The following NAV1 variants were observed in gnomAD, a reference collection of about 807,000 sequenced individuals.
NAV1 encodes neuron navigator 1.
A neutral mutation model predicts 175.2 loss-of-function variants in NAV1; 18 were observed. That is an observed-to-expected ratio of 0.10 (90% CI 0.07 to 0.15). NAV1 has a LOEUF of 0.15. Among genes scored for constraint, NAV1 ranks in the 10% least tolerant of loss-of-function variants. The pLI, the probability that NAV1 is intolerant of heterozygous loss-of-function variation, is 1.00. For synonymous variants in NAV1, 897 were observed against 978.7 expected, an observed-to-expected ratio of 0.92 and a Z score of 1.56; for missense variants, 1,731 against 2,436.6, an observed-to-expected ratio of 0.71 and a Z score of 6.10.
intron 1 of NAV1, among the ~76,000 whole-genome samples, chr1:201,578,116 T>C (rs529391335): frequency 1.3e-5 from 2 of 152,320 alleles, no homozygotes; most frequent in Admixed American, 1.3e-4. Context: ...AGAACTTCAA[T>C]AACACGAAAG....
At chr1:201,576,961 C>T (rs1666709027) in intron 1 of NAV1, among the ~76,000 whole-genome samples, 1 of 152,040 alleles carries the variant, frequency 6.6e-6, no homozygotes, top group Non-Finnish European at 1.5e-5. Context: ...TTGCCTATTT[C>T]CTAATTGAAT....
At chr1:201,645,963 T>TA (rs1668965724), upstream of NAV1, among the ~76,000 whole-genome samples, 2 of 152,188 alleles carry the variant, frequency 1.3e-5, no homozygotes, top group Non-Finnish European at 2.9e-5. Context: ...TGATGGCTTG[T>TA]GACTTCATTA....
intron 1 of NAV1, chr1:201,673,267 C>T (rs778006866): frequency 1.3e-5 from 2 of 152,200 alleles, no homozygotes; most frequent in Admixed American, 6.5e-5. Flanking sequence ...AGATGGGCCG[C>T]GGCATCTACG....
chr1:201,665,966 C>G (rs767400283), intron 1 of NAV1, among the ~76,000 whole-genome samples: 9 of 152,136 alleles, frequency 5.9e-5, no homozygotes, highest in Non-Finnish European at 8.8e-5. Context: ...TGACTGGTAC[C>G]CATTTTGATT....
chr1:201,677,052 G>C (rs1161315234), intron 1 of NAV1, among the ~76,000 whole-genome samples: 2 of 152,030 alleles, frequency 1.3e-5, no homozygotes, highest in African/African-American at 4.8e-5. Flanking sequence ...AGGAGTTTGA[G>C]ACCAGCCTGG....
At chr1:201,568,559 C>T (rs906066733) in intron 1 of NAV1, among the ~76,000 whole-genome samples, 3 of 152,138 alleles carry the variant, frequency 2.0e-5, no homozygotes, top group African/African-American at 4.8e-5. Flanking sequence ...TGCCTAGTGC[C>T]CCCAGGCAGA....
At chr1:201,769,763 GA>G (rs1158029882) in intron 3 of NAV1, among the ~76,000 whole-genome samples, 2 of 151,598 alleles carry the variant, frequency 1.3e-5, no homozygotes, top group African/African-American at 2.4e-5. Flanking sequence ...AGAAGAAAAA[GA>G]AAAAAAAGAA....
intron 1 of NAV1, among the ~76,000 whole-genome samples, chr1:201,677,455 A>G (rs868186906): frequency 3.3e-5 from 5 of 151,782 alleles, no homozygotes; most frequent in African/African-American, 7.3e-5. Flanking sequence ...CCTCTGCCCA[A>G]TGTCCCTTCC....
At chr1:201,561,254 C>T (rs920681395) in intron 1 of NAV1, among the ~76,000 whole-genome samples, 7 of 152,126 alleles carry the variant, frequency 4.6e-5, no homozygotes, top group African/African-American at 1.7e-4. Context: ...TGAAGTAGTC[C>T]TAAGTGTAGT....
intron 1 of NAV1, among the ~76,000 whole-genome samples, chr1:201,680,258 C>G (rs903539382): frequency 6.6e-6 from 1 of 152,104 alleles, no homozygotes; most frequent in African/African-American, 2.4e-5. Context: ...GCCTGTAATC[C>G]CAGCACTTTG....
At chr1:201,621,833 G>A (rs941952256), upstream of NAV1, among the ~76,000 whole-genome samples, 11 of 152,044 alleles carry the variant, frequency 7.2e-5, no homozygotes, top group African/African-American at 2.4e-4. Flanking sequence ...CATTTTTTAT[G>A]GCTTCATTTT....
chr1:201,612,684 C>G (rs1253975780), intron 2 of NAV1, among the ~76,000 whole-genome samples: 1 of 152,150 alleles, frequency 6.6e-6, no homozygotes, highest in South Asian at 2.1e-4. Context: ...CCCTCATGAC[C>G]TAATCTCCTC....
At chr1:201,647,668 T>C (rs1669018240), upstream of NAV1, among the ~76,000 whole-genome samples, 1 of 151,742 alleles carries the variant, frequency 6.6e-6, no homozygotes, top group African/African-American at 2.4e-5. Flanking sequence ...CCTCCTGGGC[T>C]CAGGAGGGCA....
Position 201,787,613 on chromosome 1 carries a change from A to G in NAV1, c.2996-855A>G. ...AAGCAATAATTACCTCAGGAATTTG[A>G]AAAGGTCAACAGAGAGGTGTGCCAT... On this transcript the variant is annotated intron_variant, in intron 9 of 29. Coordinates refer to ENST00000367296, the Ensembl canonical transcript of NAV1. This position sits in a 1 kb window ranked among gnomAD's most constrained non-coding sequence, Gnocchi z 4.3. 2.2e-6 allele frequency: 1 copy of G among 453,798 alleles called. No homozygotes were observed. Among genetic ancestry groups the G allele is most frequent in the Non-Finnish European group, 4.4e-6 (1 of 225,742 alleles). The allele number at this position is 453,798 out of a possible 1,614,324, so 28.1% of individuals were successfully genotyped here. A position where few individuals can be genotyped will look rare whatever the true frequency, so the allele number is the denominator to read the frequency against.
chr1:201,595,969 G>A (rs2102222287), intron 2 of NAV1, among the ~76,000 whole-genome samples: 1 of 152,368 alleles, frequency 6.6e-6, no homozygotes, highest in South Asian at 2.1e-4. Flanking sequence ...TACCAGAGAT[G>A]CTGTGGAGTC....
intron 17 of NAV1, among the ~76,000 whole-genome samples, chr1:201,805,505 A>C (rs1401624323): frequency 6.6e-6 from 1 of 152,232 alleles, no homozygotes. Flanking sequence ...TAGCTAGAGC[A>C]CTGACTGAGT....
At chr1:201,614,781 T>A (rs1667955774) in intron 2 of NAV1, among the ~76,000 whole-genome samples, 1 of 152,152 alleles carries the variant, frequency 6.6e-6, no homozygotes, top group South Asian at 2.1e-4. Context: ...ACTGTTTGGA[T>A]CTAATCTTGA....
At chr1:201,593,365 G>A (rs896715950) in intron 2 of NAV1, among the ~76,000 whole-genome samples, 3 of 152,168 alleles carry the variant, frequency 2.0e-5, no homozygotes, top group Admixed American at 6.5e-5. Flanking sequence ...AAAGGCTAAC[G>A]CATGCCCATA....
At chr1:201,604,772 G>GAAAGA (rs1294175176) in intron 2 of NAV1, among the ~76,000 whole-genome samples, 3 of 150,648 alleles carry the variant, frequency 2.0e-5, no homozygotes, top group African/African-American at 2.4e-5. Flanking sequence ...TAAAGGAAAA[G>GAAAGA]AAAGAAAAGA....
Sources: allele counts gnomAD v4.1 joint callset (sites outside exome capture counted in the v4.1 genomes callset), GRCh38; gene constraint gnomAD v4.1.1; non-coding constraint Gnocchi (gnomAD v3.1); transcripts MANE v1.5; gene names NCBI Gene and HGNC (gene_info 2026-07-23, HGNC 2026-07-21).